Variants in PCDHGA7 observed in about 807,000 individuals in gnomAD.
PCDHGA7 encodes the protein protocadherin gamma-A7.
Under a neutral mutation model 58.3 loss-of-function variants are expected in PCDHGA7, and 44 were observed. The observed-to-expected ratio is 0.75, with a 90% CI of 0.59 to 0.97. PCDHGA7 has a LOEUF of 0.97. Ranked by LOEUF, PCDHGA7 falls within the 50% of genes least tolerant of loss-of-function variation. PCDHGA7 has a pLI of 0.00. For missense variants in PCDHGA7, 1,266 were observed against 1,188.7 expected, an observed-to-expected ratio of 1.06 and a Z score of -0.96; for synonymous variants, 516 against 504.2, an observed-to-expected ratio of 1.02 and a Z score of -0.31.
At chr5:141,423,773 T>A in intron 1 of PCDHGA7, 6 of 901,238 alleles carry the variant, frequency 6.7e-6, no homozygotes, top group Non-Finnish European at 7.3e-6. Flanking sequence ...GGGCGGCATA[T>A]ATTTAGTTCA....
chr5:141,410,224 C>T, intron 1 of PCDHGA7: 2 of 1,614,028 alleles, frequency 1.2e-6, no homozygotes, highest in Non-Finnish European at 8.5e-7. Context: ...TACTGCCAGA[C>T]CTCAGCGACC....
chr5:141,432,413 G>T lies in PCDHGA7; in HGVS notation c.2424+47090G>T, dbSNP rs369816901. On this transcript the variant is annotated intron_variant, in intron 1 of 3. Transcript: ENST00000518325. This position sits in a 1 kb window ranked among gnomAD's most constrained non-coding sequence, Gnocchi z 6.0. ...CAGCAACGTGTCGTTGAGCCTGTTCGTGCTGGACCAGAACGACAATGCGCC... is the reference window on the plus strand; with the variant it reads ...CAGCAACGTGTCGTTGAGCCTGTTCTTGCTGGACCAGAACGACAATGCGCC... The T allele has an allele frequency of 6.2e-7, 1 of 1,614,232 alleles. No homozygotes were observed.
chr5:141,471,964 T>C lies in PCDHGA7; in HGVS notation c.2425-22843T>C, dbSNP rs138170906. Among the ~76,000 whole-genome samples, 591 of 152,278 alleles carry C rather than the reference T, an allele frequency of 3.9e-3. 6 individuals are homozygous for C. Among genetic ancestry groups the C allele is most frequent in the Admixed American group, 0.011 (171 of 15,292 alleles). On this transcript the variant is annotated intron_variant, in intron 1 of 3. Transcript: ENST00000518325. ...TCTAAAACTGGATTGTGGGGTTGGT[T>C]GCATTACTGTATAAATTTATTAAAA...
At chr5:141,462,116 C>T (rs535029363) in intron 1 of PCDHGA7, among the ~76,000 whole-genome samples, 3 of 152,152 alleles carry the variant, frequency 2.0e-5, no homozygotes, top group Admixed American at 1.3e-4. Context: ...AGCCACTGCA[C>T]CCAGTCCAAT....
rs780664832 is a variant in PCDHGA7 at position 141,422,982 on chromosome 5, T to C, written c.2424+37659T>C. On this transcript the variant is annotated intron_variant, in intron 1 of 3. Coordinates refer to ENST00000518325, the MANE Select transcript of PCDHGA7 (RefSeq NM_018920.4). ...AGCTGGCGCCCCGCTCTGCGGAACC[T>C]GGCTACCTGGTGACCAAGGTGGTTG... 2.5e-6 allele frequency: 4 copies of C among 1,614,206 alleles called. No individual in the cohort carries two copies. The South Asian group carries it at 4.4e-5, about 18-fold the overall frequency.
chr5:141,421,297 C>T (rs143092131), intron 1 of PCDHGA7: 106 of 1,613,512 alleles, frequency 6.6e-5, no homozygotes, highest in Non-Finnish European at 8.5e-5. Flanking sequence ...CCTGGGGACG[C>T]TGCGGGGGTT....
intron 1 of PCDHGA7, chr5:141,424,187 A>C (rs2096804354): frequency 5.3e-6 from 1 of 188,948 alleles, no homozygotes; most frequent in African/African-American, 2.4e-5. Context: ...ACATGCACAC[A>C]CACTTATACA....
In PCDHGA7 at chr5:141,383,199, G is replaced by A. The variant is rs574670513; in HGVS notation, c.300G>A (p.Ala100=). The stretch of plus-strand genomic sequence containing the variant: ...GGGAAGAGATCTGCGCTCAGAGTGC[G>A]CGGTGTCTGGTAAACTTTAACATCC... ...IDREEICAQS[A]RCLVNFNILM... The change falls in exon 1 of 4, where the codon GCG becomes GCA. Residue 100 remains alanine (A), a synonymous_variant. Transcript: ENST00000518325. 6.2e-6 allele frequency: 10 copies of A among 1,614,040 alleles called. No homozygotes were observed. The East Asian group carries it at 1.8e-4, about 29-fold the overall frequency.
chr5:141,400,547 CT>C (rs765907405), intron 1 of PCDHGA7: 1 of 1,613,676 alleles, frequency 6.2e-7, no homozygotes, highest in East Asian at 2.2e-5. Context: ...TATGTCTATT[CT>C]TTTTCATTAC....
intron 1 of PCDHGA7, chr5:141,388,772 C>T (rs747075769): frequency 1.2e-6 from 2 of 1,613,798 alleles, no homozygotes; most frequent in Non-Finnish European, 1.7e-6. Flanking sequence ...ACTCTAACAC[C>T]GGGGAAATTA....
At chr5:141,395,972 A>G (rs974737736) in intron 1 of PCDHGA7, 1 of 152,218 alleles carries the variant, frequency 6.6e-6, no homozygotes, top group African/African-American at 2.4e-5. Flanking sequence ...CAAAAACATT[A>G]GATCTGAATT....
intron 1 of PCDHGA7, among the ~76,000 whole-genome samples, chr5:141,460,684 T>C (rs1417815686): frequency 6.6e-6 from 1 of 152,074 alleles, no homozygotes; most frequent in Non-Finnish European, 1.5e-5. Context: ...TATCTATATA[T>C]CCACCAACAG....
intron 1 of PCDHGA7, chr5:141,421,587 G>A: frequency 1.2e-6 from 2 of 1,613,900 alleles, no homozygotes; most frequent in South Asian, 1.1e-5. Context: ...TTTACGGAGT[G>A]GAGGTGGAAA....
chr5:141,468,463 T>G (rs574151637), intron 1 of PCDHGA7: 6 of 152,282 alleles, frequency 3.9e-5, no homozygotes, highest in African/African-American at 1.4e-4. Flanking sequence ...AGCAAGTTAT[T>G]TCTGAGGAGA....
At chr5:141,441,948 G>A in intron 1 of PCDHGA7, 1 of 332,472 alleles carries the variant, frequency 3.0e-6, no homozygotes, top group Non-Finnish European at 5.8e-6. Flanking sequence ...ACGTGCTGCA[G>A]GCCAGCAAGC....
intron 1 of PCDHGA7, chr5:141,400,483 C>G (rs748464990): frequency 1.4e-5 from 22 of 1,613,902 alleles, no homozygotes; most frequent in Non-Finnish European, 1.7e-5. Context: ...GGCCTTATTT[C>G]CACTTTGTAA....
At position 141,491,640 on chromosome 5, in the gene PCDHGA7, T is replaced by A; in HGVS notation, c.2425-3167T>A. 6.2e-7 allele frequency: 1 copy of A among 1,613,804 alleles called. No homozygotes were observed. Among genetic ancestry groups the A allele is most frequent in the South Asian group, 1.1e-5 (1 of 91,086 alleles). On this transcript the variant is annotated intron_variant, in intron 1 of 3. Coordinates refer to ENST00000518325, the MANE Select transcript of PCDHGA7 (RefSeq NM_018920.4). This position sits in a 1 kb window ranked among gnomAD's most constrained non-coding sequence, Gnocchi z 6.9. ...CCCTCAGCGTTCAGCAGCCCACAGC[T>A]CTGGCGCTGGAGCCTGACGCCATCC...
chr5:141,510,905 C>T lies in PCDHGA7; in HGVS notation c.2573-42C>T. 4 of 1,613,538 alleles carry T rather than the reference C, an allele frequency of 2.5e-6. No homozygotes were observed. In the South Asian group the frequency reaches 4.4e-5, roughly 18 times the overall value. ...GATATAAGACAGTGACTGTTGAGGA[C>T]CCTAAGTTTAGCTCCCACCTGATCT... On this transcript the variant is annotated intron_variant, in intron 3 of 3. Coordinates refer to ENST00000518325, the MANE Select transcript of PCDHGA7 (RefSeq NM_018920.4).
In PCDHGA7 at chr5:141,489,515, G is replaced by A. The variant is rs983415025; in HGVS notation, c.2425-5292G>A. On this transcript the variant is annotated intron_variant, in intron 1 of 3. Coordinates refer to ENST00000518325, the MANE Select transcript of PCDHGA7 (RefSeq NM_018920.4). The surrounding 1 kb of genome is among the most constrained non-coding windows in gnomAD (Gnocchi z 4.5). ...CTGGCAGTGAATCAAAAGATTGACC[G>A]AGAAAGCCTATGTGGAGCCAGCACC... 2 of 1,614,104 alleles carry A rather than the reference G, an allele frequency of 1.2e-6. No homozygotes were observed. Among genetic ancestry groups the A allele is most frequent in the Non-Finnish European group, 8.5e-7 (1 of 1,180,034 alleles).
Sources: allele counts gnomAD v4.1 joint callset (sites outside exome capture counted in the v4.1 genomes callset), GRCh38; gene constraint gnomAD v4.1.1; non-coding constraint Gnocchi (gnomAD v3.1); transcripts MANE v1.5; gene names NCBI Gene and HGNC (gene_info 2026-07-23, HGNC 2026-07-21).